Variants in PALM2AKAP2 observed in about 807,000 individuals in gnomAD.
PALM2AKAP2 encodes the protein PALM2 and AKAP2 fusion, also known as PALM2-AKAP2 fusion protein.
A neutral mutation model predicts 71.5 loss-of-function variants in PALM2AKAP2; 37 were observed. The ratio of observed to expected loss-of-function variants is 0.52; its 90% CI spans 0.40 to 0.68. PALM2AKAP2 has a LOEUF of 0.68. PALM2AKAP2 is among the 30% of genes least tolerant of loss of function. PALM2AKAP2 has a pLI of 0.00. For synonymous variants in PALM2AKAP2, 468 were observed against 478.8 expected (o/e 0.98, Z 0.29); for missense variants, 1,224 against 1,191.8 (o/e 1.03, Z -0.40).
intron 3 of PALM2AKAP2, among the ~76,000 whole-genome samples, chr9:109,903,330 G>A (rs942312443): frequency 6.6e-6 from 1 of 151,872 alleles, no homozygotes; most frequent in Non-Finnish European, 1.5e-5. Flanking sequence ...CTGGACCACA[G>A]GGCCACTGGT....
At chr9:109,719,334 T>C (rs931165997) in intron 1 of PALM2AKAP2, among the ~76,000 whole-genome samples, 10 of 152,206 alleles carry the variant, frequency 6.6e-5, no homozygotes, top group Non-Finnish European at 4.4e-5. Flanking sequence ...AGAGTCTACT[T>C]CCAGTTTCTC....
chr9:109,760,787 G>A (rs981040996), intron 1 of PALM2AKAP2, among the ~76,000 whole-genome samples: 3 of 152,176 alleles, frequency 2.0e-5, no homozygotes, highest in Non-Finnish European at 4.4e-5. Context: ...CTGTCCTTCA[G>A]ATCCTTAGAG....
chr9:109,789,938 C>T (rs548272387), intron 1 of PALM2AKAP2, among the ~76,000 whole-genome samples: 14 of 152,318 alleles, frequency 9.2e-5, no homozygotes, highest in African/African-American at 2.9e-4. Context: ...GACAAGACTA[C>T]ACCCTATTTA....
At chr9:109,678,610 A>G (rs1827682807) in intron 1 of PALM2AKAP2, among the ~76,000 whole-genome samples, 1 of 152,170 alleles carries the variant, frequency 6.6e-6, no homozygotes, top group South Asian at 2.1e-4. Flanking sequence ...TGGGGGGTGC[A>G]TCCTTATCTA....
intron 1 of PALM2AKAP2, among the ~76,000 whole-genome samples, chr9:110,097,934 G>A (rs926410613): frequency 2.8e-5 from 4 of 141,466 alleles, no homozygotes; most frequent in South Asian, 2.2e-4. Context: ...CAAGGCTGGC[G>A]GATCACTCGT....
At chr9:110,070,122 G>A (rs1478783323) in intron 1 of PALM2AKAP2, among the ~76,000 whole-genome samples, 1 of 152,140 alleles carries the variant, frequency 6.6e-6, no homozygotes, top group African/African-American at 2.4e-5. Flanking sequence ...TGACAACCTA[G>A]TACAAAACCC....
chr9:109,838,225 A>C (rs992068972), intron 1 of PALM2AKAP2, among the ~76,000 whole-genome samples: 4 of 152,198 alleles, frequency 2.6e-5, no homozygotes, highest in African/African-American at 9.7e-5. Context: ...TAAGAAACTC[A>C]CTCAAAACTG....
intron 1 of PALM2AKAP2, among the ~76,000 whole-genome samples, chr9:109,809,769 G>A (rs1380213000): frequency 6.6e-6 from 1 of 152,182 alleles, no homozygotes; most frequent in South Asian, 2.1e-4. Flanking sequence ...CATAATCCCT[G>A]TGTGGGATCA....
intron 3 of PALM2AKAP2, among the ~76,000 whole-genome samples, chr9:109,915,777 G>C (rs966740889): frequency 6.6e-6 from 1 of 152,016 alleles, no homozygotes; most frequent in East Asian, 1.9e-4. Context: ...AGAATTGTTA[G>C]TATTATAATA....
At chr9:109,948,032 TAATG>T (rs1302776572) in intron 6 of PALM2AKAP2, among the ~76,000 whole-genome samples, 1 of 152,296 alleles carries the variant, frequency 6.6e-6, no homozygotes, top group African/African-American at 2.4e-5. Flanking sequence ...ACAACTTAAT[TAATG>T]AGGAAGATGG....
chr9:109,678,578 G>A (rs1011760919), intron 1 of PALM2AKAP2, among the ~76,000 whole-genome samples: 27 of 152,148 alleles, frequency 1.8e-4, no homozygotes, highest in African/African-American at 6.3e-4. Context: ...TAATCGTTAA[G>A]ATTTTCAGAT....
At chr9:109,869,554 A>G (rs1413763126) in intron 2 of PALM2AKAP2, among the ~76,000 whole-genome samples, 12 of 150,546 alleles carry the variant, frequency 8.0e-5, no homozygotes, top group Admixed American at 4.6e-4. Flanking sequence ...TAGCCAGGAT[A>G]GTCTCGATCT....
rs1564288012 is a variant in PALM2AKAP2 at position 110,068,520 on chromosome 9, A to ATTT, written c.156+19665_156+19666insTTT. Reference sequence around the variant, plus strand: ...TGAGGGCAAAATTGGAGCTTTTTTAAAAAAAAAAAAAAATTTAATTTTTTT... The same window carrying ATTT: ...TGAGGGCAAAATTGGAGCTTTTTTAATTTAAAAAAAAAAAAATTTAATTTTTTT... On this transcript the variant is annotated intron_variant, in intron 1 of 3. Transcript: ENST00000374525. Among the ~76,000 whole-genome samples the ATTT allele has an allele frequency of 1.3e-4, 18 of 143,884 alleles. No homozygotes were observed. In the East Asian group the frequency reaches 3.3e-3, roughly 27 times the overall value. The allele number at this position is 143,884 out of a possible 152,430, so 94.4% of individuals were successfully genotyped here.
intron 1 of PALM2AKAP2, among the ~76,000 whole-genome samples, chr9:110,130,966 G>A (rs781711307): frequency 2.6e-5 from 4 of 152,170 alleles, no homozygotes; most frequent in Non-Finnish European, 5.9e-5. Flanking sequence ...ATGCCAATTA[G>A]CAAAGCTTCA....
At chr9:109,806,251 T>C (rs529543737) in intron 1 of PALM2AKAP2, among the ~76,000 whole-genome samples, 4 of 152,378 alleles carry the variant, frequency 2.6e-5, no homozygotes, top group Admixed American at 6.5e-5. Flanking sequence ...AAGTGGTCTT[T>C]CCAAAACAGT....
chr9:110,081,125 G>T (rs1190923084), intron 1 of PALM2AKAP2, among the ~76,000 whole-genome samples: 1 of 152,244 alleles, frequency 6.6e-6, no homozygotes, highest in African/African-American at 2.4e-5. Flanking sequence ...AGTAGGAAGA[G>T]GCACTGCTTC....
chr9:109,902,792 G>A (rs1384519534), intron 3 of PALM2AKAP2, among the ~76,000 whole-genome samples: 3 of 152,234 alleles, frequency 2.0e-5, no homozygotes, highest in South Asian at 2.1e-4. Context: ...ACATATGACC[G>A]ACGCCTGCTC....
At chr9:110,137,949 GCCT>G (rs771445548) in exon 2 of PALM2AKAP2, 1 of 1,614,012 alleles carries the variant, frequency 6.2e-7, no homozygotes, top group Non-Finnish European at 8.5e-7. Context: ...TATCAGGCTG[GCCT>G]CCTGGTGCAG....
chr9:110,083,979 G>A (rs1327534039), intron 1 of PALM2AKAP2, among the ~76,000 whole-genome samples: 5 of 152,184 alleles, frequency 3.3e-5, no homozygotes, highest in African/African-American at 9.7e-5. Flanking sequence ...GAGAGGCAGA[G>A]GAAATTTCTA....
Sources: allele counts gnomAD v4.1 joint callset (sites outside exome capture counted in the v4.1 genomes callset), GRCh38; gene constraint gnomAD v4.1.1; transcripts MANE v1.5; gene names NCBI Gene and HGNC (gene_info 2026-07-23, HGNC 2026-07-21).